Variants in CLHC1 observed in about 807,000 individuals in gnomAD.
CLHC1 encodes clathrin heavy chain linker domain containing 1, also known as clathrin heavy chain linker domain-containing protein 1.
Under a neutral mutation model 69.5 loss-of-function variants are expected in CLHC1, and 72 were observed. The observed-to-expected ratio is 1.04, with a 90% CI of 0.86 to 1.26. The LOEUF (loss-of-function observed/expected upper bound fraction) is 1.26. Ranked by LOEUF, CLHC1 falls within the 50% of genes most tolerant of loss-of-function variation. The probability of loss-of-function intolerance (pLI) is 0.00; values close to 1 mark genes in which losing one functional copy is unlikely to be tolerated. For missense variants in CLHC1, 790 were observed against 679.3 expected, an observed-to-expected ratio of 1.16 and a Z score of -1.81; for synonymous variants, 223 against 224.3, an observed-to-expected ratio of 0.99 and a Z score of 0.05.
chr2:55,193,439 C>T (rs891556442), intron 9 of CLHC1, among the ~76,000 whole-genome samples: 2 of 151,654 alleles, frequency 1.3e-5, no homozygotes, highest in African/African-American at 4.8e-5. Flanking sequence ...ACTCTTAAAA[C>T]TCAATAATAA....
intron 9 of CLHC1, among the ~76,000 whole-genome samples, chr2:55,203,241 C>A (rs1405018975): frequency 6.6e-6 from 1 of 152,118 alleles, no homozygotes; most frequent in Non-Finnish European, 1.5e-5. Flanking sequence ...CTACCCAAAG[C>A]AATCTACAGA....
At chr2:55,214,134 G>T (rs1673264860) in intron 4 of CLHC1, among the ~76,000 whole-genome samples, 1 of 152,160 alleles carries the variant, frequency 6.6e-6, no homozygotes, top group Non-Finnish European at 1.5e-5. Flanking sequence ...AGTTGAAAAG[G>T]GTTCAGGAGA....
At chr2:55,185,657 A>T (rs1670350657) in intron 9 of CLHC1, among the ~76,000 whole-genome samples, 1 of 152,194 alleles carries the variant, frequency 6.6e-6, no homozygotes, top group East Asian at 1.9e-4. Context: ...AAATGAATAA[A>T]CAAATGAATG....
rs938654543 is a variant in CLHC1 at position 55,222,148 on chromosome 2, G to C, written c.177+87C>G. 2.1e-5 allele frequency: 18 copies of C among 860,576 alleles called. No individual in the cohort carries two copies. In the African/African-American group the frequency reaches 2.9e-4, roughly 14 times the overall value. 53.3% of individuals were successfully genotyped at this position (860,576 alleles called of 1,614,324 possible). A position where few individuals can be genotyped will look rare whatever the true frequency, so the allele number is the denominator to read the frequency against. ...AATGGAATGTTATCATTCAAACAGT[G>C]GTGTTACTAAGGCAGGAATATTGGT... On this transcript the variant is annotated intron_variant, in intron 3 of 12. Coordinates refer to ENST00000401408, the MANE Select transcript of CLHC1 (RefSeq NM_152385.4).
intron 9 of CLHC1, among the ~76,000 whole-genome samples, chr2:55,183,522 A>T (rs1670118652): frequency 6.6e-6 from 1 of 152,220 alleles, no homozygotes; most frequent in Admixed American, 6.5e-5. Flanking sequence ...TAAAAAATAG[A>T]TTCTGCGTCC....
At chr2:55,202,826 G>T (rs1672086203) in intron 9 of CLHC1, among the ~76,000 whole-genome samples, 2 of 150,912 alleles carry the variant, frequency 1.3e-5, no homozygotes, top group African/African-American at 4.9e-5. Context: ...TTGAACCTGG[G>T]AGGCAGAGGT....
chr2:55,197,217 C>A (rs887544604), intron 9 of CLHC1, among the ~76,000 whole-genome samples: 10 of 152,310 alleles, frequency 6.6e-5, no homozygotes, highest in African/African-American at 2.4e-4. Flanking sequence ...AAGTTTCCAA[C>A]TCTAAACCCT....
chr2:55,185,098 A>C (rs1473076438), intron 9 of CLHC1, among the ~76,000 whole-genome samples: 1 of 152,196 alleles, frequency 6.6e-6, no homozygotes, highest in African/African-American at 2.4e-5. Context: ...AAGGGATTTC[A>C]TAAGAATAAA....
intron 9 of CLHC1, among the ~76,000 whole-genome samples, chr2:55,184,775 C>G (rs564907979): frequency 6.6e-6 from 1 of 151,942 alleles, no homozygotes; most frequent in Non-Finnish European, 1.5e-5. Flanking sequence ...TGTGGTGGCA[C>G]CTGCCTTTAA....
At chr2:55,212,223 G>A (rs1210103009) in intron 5 of CLHC1, among the ~76,000 whole-genome samples, 1 of 151,458 alleles carries the variant, frequency 6.6e-6, no homozygotes, top group Non-Finnish European at 1.5e-5. Context: ...GTTGCTGTGG[G>A]CCGAGATCAC....
chr2:55,219,904 C>T (rs1227297038), intron 3 of CLHC1, among the ~76,000 whole-genome samples: 1 of 152,128 alleles, frequency 6.6e-6, no homozygotes, highest in East Asian at 1.9e-4. Context: ...CCCTGCCCAC[C>T]TTTTCTTTTT....
At chr2:55,217,718 T>A (rs1216598076) in intron 4 of CLHC1, 93 bp downstream of exon 4, 10 of 711,306 alleles carry the variant, frequency 1.4e-5, no homozygotes, top group African/African-American at 1.9e-5. Flanking sequence ...TGAAATTCAA[T>A]AAGACTAAGA....
At chr2:55,216,278 C>T (rs1053626264) in intron 4 of CLHC1, among the ~76,000 whole-genome samples, 7 of 148,264 alleles carry the variant, frequency 4.7e-5, no homozygotes, top group East Asian at 2.0e-4. Context: ...TGAAAAAGAG[C>T]GAAACTCCGT....
At chr2:55,181,869 A>G in intron 9 of CLHC1, 125 bp from the exon 10 acceptor site, 1 of 732,308 alleles carries the variant, frequency 1.4e-6, no homozygotes, top group East Asian at 2.7e-5. Flanking sequence ...TTACACATTT[A>G]TAATTTTTAA....
In CLHC1 at chr2:55,217,913, T is replaced by C. The variant is rs1015034176; in HGVS notation, c.263A>G (p.Asp88Gly). ...YDAFIETIKK[D>G]RRTTFCLHGK... ...ATGAAGACAAAATGTAGTTCTTCGG[T>C]CTTTCTTTATTGTCTCAATAAAGGC... Residue 88 changes from aspartate to glycine, a missense_variant, in exon 4 of 13, where the codon GAC becomes GGC. Asp to Gly is a moderately conservative substitution (Grantham distance 94). Transcript: ENST00000401408. 1.2e-6 allele frequency: 2 copies of C among 1,603,018 alleles called. No homozygotes were observed. The highest frequency in any genetic ancestry group is 1.3e-5 in the African/African-American group (1 of 74,390).
At chr2:55,217,009 C>A (rs966050566) in intron 4 of CLHC1, among the ~76,000 whole-genome samples, 1 of 151,162 alleles carries the variant, frequency 6.6e-6, no homozygotes, top group Non-Finnish European at 1.5e-5. Flanking sequence ...ATTAGTCTGA[C>A]ATAGCAAAAC....
intron 2 of CLHC1, chr2:55,225,312 G>A (rs1361718353): frequency 2.0e-5 from 3 of 152,364 alleles, no homozygotes; most frequent in African/African-American, 7.2e-5. Flanking sequence ...AATCTGGAAG[G>A]TCTAGAGCGG....
chr2:55,227,735 T>C (rs2104140007), intron 2 of CLHC1, among the ~76,000 whole-genome samples: 1 of 151,856 alleles, frequency 6.6e-6, no homozygotes, highest in Admixed American at 6.6e-5. Context: ...GGTGTTATCA[T>C]TAGAGAGGGG....
chr2:55,217,732 A>T (rs969194237), intron 4 of CLHC1, 79 bp downstream of exon 4: 25 of 849,884 alleles, frequency 2.9e-5, no homozygotes, highest in Admixed American at 6.5e-5. Context: ...ACTAAGAACC[A>T]CCAGCTAGAG....
Sources: allele counts gnomAD v4.1 joint callset (sites outside exome capture counted in the v4.1 genomes callset), GRCh38; gene constraint gnomAD v4.1.1; transcripts MANE v1.5; gene names NCBI Gene and HGNC (gene_info 2026-07-23, HGNC 2026-07-21).